BICD1: variants seen among roughly 807,000 people sequenced by gnomAD.
The protein encoded by BICD1 is protein bicaudal D homolog 1.
In BICD1, 35 loss-of-function variants were observed where a neutral mutation model predicts 92.5. The observed-to-expected ratio is 0.38, with a 90% CI of 0.29 to 0.50. The LOEUF (loss-of-function observed/expected upper bound fraction) is 0.50, where lower values mean the gene tolerates loss of function less well. Ranked by LOEUF, BICD1 falls within the 20% of genes least tolerant of loss-of-function variation. The probability of loss-of-function intolerance (pLI) is 0.93; values close to 1 mark genes in which losing one functional copy is unlikely to be tolerated. For missense variants in BICD1, 950 were observed against 1,189.8 expected (o/e 0.80, Z 2.97); for synonymous variants, 429 against 465.1 (o/e 0.92, Z 1.00).
intron 5 of BICD1, among the ~76,000 whole-genome samples, chr12:32,329,290 T>G (rs1289199232): frequency 2.0e-5 from 3 of 151,852 alleles, no homozygotes; most frequent in African/African-American, 7.3e-5. Flanking sequence ...GGAGACAGAA[T>G]TTCACCATAT....
At position 32,367,864 on chromosome 12, in the gene BICD1, A is replaced by C. The variant is rs530926232; in HGVS notation, c.2840+119A>C. ...TTGTATTTTGCTGTATTTTATTTCA[A>C]GTGTGGGCTACATAGACACACATTG... On this transcript the variant is annotated intron_variant, in intron 9 of 9. Coordinates refer to ENST00000652176, the MANE Select transcript of BICD1 (RefSeq NM_001714.4). 12 of 913,408 alleles carry C rather than the reference A, an allele frequency of 1.3e-5. No homozygotes were observed. The South Asian group carries it at 1.6e-4, about 12-fold the overall frequency. The allele number at this position is 913,408 out of a possible 1,614,324, so 56.6% of individuals were successfully genotyped here.
At chr12:32,362,216 C>T (rs1426112571) in intron 8 of BICD1, among the ~76,000 whole-genome samples, 6 of 152,132 alleles carry the variant, frequency 3.9e-5, no homozygotes, top group African/African-American at 7.2e-5. Flanking sequence ...AAAAATTGGC[C>T]GGGCATGGTG....
chr12:32,199,942 G>A (rs558451416), intron 1 of BICD1, among the ~76,000 whole-genome samples: 1 of 152,252 alleles, frequency 6.6e-6, no homozygotes, highest in African/African-American at 2.4e-5. Context: ...AAAACTCTTG[G>A]TGGGCTTTCG....
intron 3 of BICD1, 107 bp from the exon 4 acceptor site, chr12:32,305,590 C>T (rs1035466566): frequency 4.2e-6 from 4 of 946,742 alleles, no homozygotes; most frequent in Non-Finnish European, 4.6e-6. Context: ...ATTTTTTAGA[C>T]TCATGTTGTA....
intron 1 of BICD1, among the ~76,000 whole-genome samples, chr12:32,115,592 G>A (rs1812274425): frequency 6.6e-6 from 1 of 152,116 alleles, no homozygotes; most frequent in South Asian, 2.1e-4. Context: ...GTGACCCTGG[G>A]GATGTGGGAA....
At chr12:32,348,574 G>A (rs1160282313) in intron 8 of BICD1, among the ~76,000 whole-genome samples, 7 of 151,602 alleles carry the variant, frequency 4.6e-5, no homozygotes, top group African/African-American at 7.3e-5. Flanking sequence ...TGAGGATAGC[G>A]GCCTTCAGAA....
At chr12:32,287,675 T>A (rs777675957) in intron 2 of BICD1, among the ~76,000 whole-genome samples, 16 of 152,124 alleles carry the variant, frequency 1.1e-4, no homozygotes, top group Non-Finnish European at 2.4e-4. Flanking sequence ...TAGCTGGGAC[T>A]ACAGGTGCCC....
chr12:32,131,955 G>A (rs1270561551), intron 1 of BICD1, among the ~76,000 whole-genome samples: 1 of 152,186 alleles, frequency 6.6e-6, no homozygotes, highest in Non-Finnish European at 1.5e-5. Flanking sequence ...ACTGGCGGGG[G>A]TGCTGGCTGG....
At chr12:32,253,304 G>A (rs1946616411) in intron 2 of BICD1, among the ~76,000 whole-genome samples, 2 of 152,036 alleles carry the variant, frequency 1.3e-5, no homozygotes, top group Admixed American at 1.3e-4. Context: ...TAGTTGCTAT[G>A]CAAGATGCAG....
intron 2 of BICD1, among the ~76,000 whole-genome samples, chr12:32,233,590 G>A (rs1036294789): frequency 2.0e-5 from 3 of 150,206 alleles, no homozygotes; most frequent in Non-Finnish European, 3.0e-5. Context: ...TCTGAGTAGG[G>A]TCAAACACCA....
chr12:32,111,480 A>C (rs1317279994), intron 1 of BICD1, among the ~76,000 whole-genome samples: 1 of 152,244 alleles, frequency 6.6e-6, no homozygotes, highest in Non-Finnish European at 1.5e-5. Context: ...TAAATCACAA[A>C]ATCATATGGC....
At chr12:32,113,015 A>G (rs1305609137) in intron 1 of BICD1, among the ~76,000 whole-genome samples, 1 of 152,210 alleles carries the variant, frequency 6.6e-6, no homozygotes, top group Non-Finnish European at 1.5e-5. Flanking sequence ...TCCCAGGGCC[A>G]CAAAACTAAA....
intron 2 of BICD1, among the ~76,000 whole-genome samples, chr12:32,243,491 A>G (rs1946293705): frequency 6.6e-6 from 1 of 152,034 alleles, no homozygotes; most frequent in Non-Finnish European, 1.5e-5. Flanking sequence ...AAAATAATTG[A>G]TCAAATGGTA....
At chr12:32,108,817 TG>T (rs1941589760) in intron 1 of BICD1, 1 of 536,022 alleles carries the variant, frequency 1.9e-6, no homozygotes, top group African/African-American at 1.9e-5. Context: ...AATTTTTGTG[TG>T]TCAGGCTGTA....
intron 2 of BICD1, among the ~76,000 whole-genome samples, chr12:32,242,056 A>AAACAAACAAACAAACAAAC (rs571056325): frequency 6.7e-6 from 1 of 150,304 alleles, no homozygotes. Context: ...AACAAACAAA[A>AAACAAACAAACAAACAAAC]AAACAAAAAT....
intron 1 of BICD1, among the ~76,000 whole-genome samples, chr12:32,118,060 A>ATATTTTATTTTATTTTATTT (rs372623765): frequency 0.18 from 23,841 of 134,996 alleles, 2,480 homozygotes; most frequent in Middle Eastern, 0.3. Flanking sequence ...GCTTAGTCCA[A>ATATTTTATTTTATTTTATTT]TATTTTATTT....
chr12:32,138,258 C>A (rs1262744257), intron 1 of BICD1, among the ~76,000 whole-genome samples: 1 of 152,122 alleles, frequency 6.6e-6, no homozygotes, highest in African/African-American at 2.4e-5. Flanking sequence ...AAAATTGCAG[C>A]ACAGATAAAT....
Position 32,166,105 on chromosome 12 carries a change from C to CATTTATTT in BICD1, c.214-50105_214-50098dup, listed in dbSNP as rs778850950. ...TGGGACATTTGGCAATGTCTGGAGA[C>CATTTATTT]ATTTATTTATTTATTTATTTATTTA... On this transcript the variant is annotated intron_variant, in intron 1 of 9. Transcript: ENST00000652176. 4.0e-3 allele frequency among the ~76,000 whole-genome samples: 484 copies of CATTTATTT among 121,936 alleles called. 6 individuals are homozygous for CATTTATTT. Among genetic ancestry groups the CATTTATTT allele is most frequent in the Middle Eastern group, 4.5e-3 (1 of 220 alleles). The allele number at this position is 121,936 out of a possible 152,430, so 80.0% of individuals were successfully genotyped here.
chr12:32,372,082 CT>C (rs1939761682), intron 9 of BICD1, among the ~76,000 whole-genome samples: 1 of 152,208 alleles, frequency 6.6e-6, no homozygotes, highest in African/African-American at 2.4e-5. Flanking sequence ...ACCATGATTC[CT>C]TTTCCCTCAA....
Sources: gnomAD v4.1 joint callset for allele counts (sites outside exome capture counted in the v4.1 genomes callset) on GRCh38, gnomAD v4.1.1 for gene constraint, MANE v1.5 for transcripts, NCBI Gene and HGNC (gene_info 2026-07-23, HGNC 2026-07-21) for gene names.